The following ATG10 variants were observed in gnomAD, a reference collection of about 807,000 sequenced individuals.
ATG10 encodes autophagy related 10, also known as ubiquitin-like-conjugating enzyme ATG10.
ATG10 carries 30 observed loss-of-function variants against 32.1 expected under a neutral mutation model. The ratio of observed to expected loss-of-function variants is 0.94; its 90% CI spans 0.70 to 1.27. The LOEUF (loss-of-function observed/expected upper bound fraction) is 1.27, where lower values mean the gene tolerates loss of function less well. ATG10 is among the 50% of genes most tolerant of loss of function. The pLI, the probability that ATG10 is intolerant of heterozygous loss-of-function variation, is 0.00. For synonymous variants in ATG10, 87 were observed against 91.5 expected, an observed-to-expected ratio of 0.95 and a Z score of 0.28; for missense variants, 233 against 262.3, an observed-to-expected ratio of 0.89 and a Z score of 0.77.
chr5:82,022,041 T>C (rs997218382), intron 2 of ATG10, among the ~76,000 whole-genome samples: 1 of 147,540 alleles, frequency 6.8e-6, no homozygotes, highest in Non-Finnish European at 1.5e-5. Context: ...AAAAAAAAAT[T>C]AGCTGGGCGT....
intron 3 of ATG10, among the ~76,000 whole-genome samples, chr5:82,061,303 C>G (rs899117712): frequency 6.6e-6 from 1 of 151,870 alleles, no homozygotes; most frequent in African/African-American, 2.4e-5. Context: ...CACATAAGGC[C>G]TAGAAATAAT....
intron 2 of ATG10, among the ~76,000 whole-genome samples, chr5:82,044,434 TG>T (rs1262477857): frequency 6.6e-6 from 1 of 152,210 alleles, no homozygotes; most frequent in East Asian, 1.9e-4. Flanking sequence ...TGCATATTTA[TG>T]GGTCCAATTC....
chr5:82,065,654 T>C (rs1763921704), intron 3 of ATG10, among the ~76,000 whole-genome samples: 1 of 152,174 alleles, frequency 6.6e-6, no homozygotes, highest in South Asian at 2.1e-4. Context: ...TTGAAGACTT[T>C]TCTTAGAGAA....
chr5:82,212,046 G>T (rs1435181121), intron 5 of ATG10, among the ~76,000 whole-genome samples: 1 of 152,162 alleles, frequency 6.6e-6, no homozygotes, highest in African/African-American at 2.4e-5. Context: ...ATGCAAAACT[G>T]CCAAGTCATT....
intron 5 of ATG10, among the ~76,000 whole-genome samples, chr5:82,210,940 T>C (rs1054364920): frequency 6.6e-6 from 1 of 152,162 alleles, no homozygotes. Flanking sequence ...TTTCTTTCTT[T>C]AGGATGGGGT....
intron 5 of ATG10, among the ~76,000 whole-genome samples, chr5:82,250,534 T>C (rs895338135): frequency 6.6e-6 from 1 of 152,014 alleles, no homozygotes; most frequent in African/African-American, 2.4e-5. Flanking sequence ...CCTCTTAGGG[T>C]GTAACCCTAA....
chr5:82,092,544 T>A (rs1325162906), intron 3 of ATG10, among the ~76,000 whole-genome samples: 1 of 152,300 alleles, frequency 6.6e-6, no homozygotes, highest in Middle Eastern at 3.4e-3. Context: ...TGCTTTCACC[T>A]GGTGAGTGGC....
intron 2 of ATG10, among the ~76,000 whole-genome samples, chr5:82,011,133 C>T (rs1342028846): frequency 6.6e-6 from 1 of 152,152 alleles, no homozygotes; most frequent in African/African-American, 2.4e-5. Context: ...CTATAAATCT[C>T]AAACTCAACA....
At chr5:82,039,098 G>C (rs1227187638) in intron 2 of ATG10, among the ~76,000 whole-genome samples, 5 of 152,226 alleles carry the variant, frequency 3.3e-5, no homozygotes, top group Non-Finnish European at 7.4e-5. Context: ...CTCCCACCTT[G>C]GCCTCCCAAA....
intron 2 of ATG10, among the ~76,000 whole-genome samples, chr5:82,038,411 G>A (rs905415284): frequency 1.4e-4 from 21 of 152,204 alleles, no homozygotes; most frequent in South Asian, 1.0e-3. Context: ...GTATGAGTGC[G>A]GAGTTAAGTG....
In ATG10 at chr5:82,235,915, G is replaced by A. The variant is rs535204445; in HGVS notation, c.454-16647G>A. Among the ~76,000 whole-genome samples, 4 of 152,284 alleles carry A rather than the reference G, an allele frequency of 2.6e-5. No homozygotes were observed. The South Asian group carries it at 8.3e-4, about 32-fold the overall frequency. On this transcript the variant is annotated intron_variant, in intron 5 of 7. Transcript: ENST00000282185. ...ATTTTCTCATTTTCTCTGGATGAGA[G>A]CTTTGATTAGCTTTTTACAAGTTCT...
rs1371615062 is a variant in ATG10, at chr5:82,009,839, A to G, written c.108+22161A>G. ...CTGTATGCTTTAGGATGAAGTTCTC[A>G]TCTTCAAATTTCTCCCCATAGATGG... is the stretch of plus-strand genomic sequence containing the variant. On this transcript the variant is annotated intron_variant, in intron 2 of 7. Coordinates refer to ENST00000282185, the MANE Select transcript of ATG10 (RefSeq NM_031482.5). The G allele has an allele frequency of 3.1e-6, 5 of 1,608,460 alleles. No individual in the cohort carries two copies. In the East Asian group the frequency reaches 6.7e-5, roughly 22 times the overall value.
intron 2 of ATG10, among the ~76,000 whole-genome samples, chr5:82,002,174 T>G (rs761861308): frequency 6.6e-6 from 1 of 152,230 alleles, no homozygotes; most frequent in Non-Finnish European, 1.5e-5. Flanking sequence ...AAGGGAATAC[T>G]TATACACTGC....
At chr5:82,143,622 G>C (rs765032542) in intron 3 of ATG10, among the ~76,000 whole-genome samples, 1 of 152,224 alleles carries the variant, frequency 6.6e-6, no homozygotes, top group Non-Finnish European at 1.5e-5. Context: ...CTGTAAAGAT[G>C]AGAGGCATTA....
chr5:82,006,767 C>A (rs1422087096), intron 2 of ATG10, among the ~76,000 whole-genome samples: 2 of 152,158 alleles, frequency 1.3e-5, no homozygotes, highest in African/African-American at 4.8e-5. Context: ...TCCCCACAGC[C>A]CCTGGCAACT....
intron 5 of ATG10, 144 bp downstream of exon 5, chr5:82,178,731 T>A: frequency 1.9e-6 from 1 of 532,790 alleles, no homozygotes; most frequent in African/African-American, 2.0e-5. Context: ...ACAGTTTCCT[T>A]AAAAAAAAAC....
At chr5:81,984,262 CA>C (rs922971090) in intron 1 of ATG10, among the ~76,000 whole-genome samples, 2 of 152,332 alleles carry the variant, frequency 1.3e-5, no homozygotes, top group Admixed American at 6.5e-5. Context: ...CCGTCTCCAC[CA>C]AAAAAATACG....
chr5:82,133,187 G>C (rs1312110895), intron 3 of ATG10, among the ~76,000 whole-genome samples: 1 of 152,264 alleles, frequency 6.6e-6, no homozygotes, highest in East Asian at 1.9e-4. Context: ...TCTGTAGGTT[G>C]CTTGTTCATT....
At chr5:82,007,149 AGCATAATGTCCT>A (rs1378266712) in intron 2 of ATG10, among the ~76,000 whole-genome samples, 1 of 152,150 alleles carries the variant, frequency 6.6e-6, no homozygotes, top group African/African-American at 2.4e-5. Flanking sequence ...TATTTCATTT[AGCATAATGTCCT>A]CAAGGTTCAT....
Sources: allele counts gnomAD v4.1 joint callset (sites outside exome capture counted in the v4.1 genomes callset), GRCh38; gene constraint gnomAD v4.1.1; transcripts MANE v1.5; gene names NCBI Gene and HGNC (gene_info 2026-07-23, HGNC 2026-07-21).